The following KIAA1328 variants were observed in gnomAD, a reference collection of about 807,000 sequenced individuals.
The protein encoded by KIAA1328 is KIAA1328.
A neutral mutation model predicts 68.1 loss-of-function variants in KIAA1328; 52 were observed. The ratio of observed to expected loss-of-function variants is 0.76; its 90% confidence interval spans 0.61 to 0.96. The LOEUF is 0.96. Among genes scored for constraint, KIAA1328 ranks in the 40% least tolerant of loss-of-function variants. KIAA1328 has a pLI of 0.00. For missense variants in KIAA1328, 641 were observed against 677.6 expected (o/e 0.95, Z 0.60); for synonymous variants, 232 against 239.4 (o/e 0.97, Z 0.28).
intron 7 of KIAA1328, among the ~76,000 whole-genome samples, chr18:37,114,073 A>T (rs375198944): frequency 6.6e-6 from 1 of 152,108 alleles, no homozygotes; most frequent in Non-Finnish European, 1.5e-5. Context: ...GACTTTAACA[A>T]CCCACTGTCA....
chr18:37,078,236 C>G (rs1474922717), intron 7 of KIAA1328, among the ~76,000 whole-genome samples: 1 of 152,092 alleles, frequency 6.6e-6, no homozygotes, highest in Non-Finnish European at 1.5e-5. Flanking sequence ...GGAAAGGATT[C>G]CCTATTTAAT....
At chr18:37,183,603 ATCC>A (rs2154215974) in intron 9 of KIAA1328, among the ~76,000 whole-genome samples, 1 of 152,288 alleles carries the variant, frequency 6.6e-6, no homozygotes, top group East Asian at 1.9e-4. Context: ...AGTCATCATT[ATCC>A]TCCTCCCAAG....
At chr18:37,057,727 G>A (rs914542246) in intron 6 of KIAA1328, among the ~76,000 whole-genome samples, 5 of 151,924 alleles carry the variant, frequency 3.3e-5, no homozygotes, top group Admixed American at 2.0e-4. Flanking sequence ...GAGCCACCAC[G>A]CCTGGCCTGC....
At chr18:37,174,224 TAAC>T (rs2059553365) in intron 9 of KIAA1328, among the ~76,000 whole-genome samples, 1 of 152,124 alleles carries the variant, frequency 6.6e-6, no homozygotes, top group Non-Finnish European at 1.5e-5. Context: ...ATCACATAGC[TAAC>T]AACAGGCAAA....
rs573938659 is a variant in KIAA1328, at chr18:36,895,925, A to G, written c.448+10253A>G. The G allele has an allele frequency of 1.6e-3, 604 of 368,326 alleles. 2 individuals carry two copies. Among genetic ancestry groups the G allele is most frequent in the South Asian group, 6.1e-3 (288 of 47,270 alleles). The allele number at this position is 368,326 out of a possible 1,614,324, so 22.8% of individuals were successfully genotyped here. A position where few individuals can be genotyped will look rare whatever the true frequency, so the allele number is the denominator to read the frequency against. On this transcript the variant is annotated intron_variant, in intron 5 of 9. Coordinates refer to ENST00000280020, the MANE Select transcript of KIAA1328 (RefSeq NM_020776.3). ...AAGGTAGAAGCCTGAAAGCCAAGAGAGCCCTCACCAGAAACCAAACCCGAT... is the reference window on the plus strand; with the variant it reads ...AAGGTAGAAGCCTGAAAGCCAAGAGGGCCCTCACCAGAAACCAAACCCGAT...
At chr18:36,870,729 C>T (rs1270657840) in intron 4 of KIAA1328, among the ~76,000 whole-genome samples, 1 of 152,328 alleles carries the variant, frequency 6.6e-6, no homozygotes, top group South Asian at 2.1e-4. Context: ...TCACCAATGT[C>T]ATTTCACTAA....
At chr18:37,055,848 G>A (rs900336105) in intron 6 of KIAA1328, among the ~76,000 whole-genome samples, 5 of 152,146 alleles carry the variant, frequency 3.3e-5, no homozygotes, top group African/African-American at 1.2e-4. Flanking sequence ...TTGTTATAGG[G>A]TGCTTATCAG....
At chr18:37,199,460 G>A (rs565596116) in intron 9 of KIAA1328, among the ~76,000 whole-genome samples, 44 of 152,294 alleles carry the variant, frequency 2.9e-4, no homozygotes, top group African/African-American at 9.6e-4. Context: ...GTATTCCATG[G>A]TGTTTATGTA....
intron 9 of KIAA1328, among the ~76,000 whole-genome samples, chr18:37,209,753 GAGAA>G (rs1403189947): frequency 6.7e-6 from 1 of 148,840 alleles, no homozygotes; most frequent in Non-Finnish European, 1.5e-5. Context: ...GTGGGATTCA[GAGAA>G]AAAAAAAAAA....
At chr18:37,162,687 C>T (rs1369335183) in intron 8 of KIAA1328, among the ~76,000 whole-genome samples, 1 of 152,130 alleles carries the variant, frequency 6.6e-6, no homozygotes, top group East Asian at 1.9e-4. Context: ...TTGCTTTACC[C>T]TCTTTAGTGT....
At chr18:36,866,365 A>G (rs1369658645) in intron 4 of KIAA1328, among the ~76,000 whole-genome samples, 1 of 151,666 alleles carries the variant, frequency 6.6e-6, no homozygotes, top group Non-Finnish European at 1.5e-5. Context: ...ACCCCAGGAA[A>G]CTCTTCTGTA....
At chr18:36,908,290 A>G (rs1182067339) in intron 5 of KIAA1328, among the ~76,000 whole-genome samples, 1 of 152,130 alleles carries the variant, frequency 6.6e-6, no homozygotes, top group African/African-American at 2.4e-5. Flanking sequence ...AAAGTAATTT[A>G]TTTTTATTTA....
intron 5 of KIAA1328, among the ~76,000 whole-genome samples, chr18:36,953,196 C>CAT: frequency 6.8e-6 from 1 of 146,694 alleles, no homozygotes; most frequent in South Asian, 2.1e-4. Flanking sequence ...ATTTAATATG[C>CAT]ATATATAATT....
chr18:36,832,836 G>T (rs1202729432), intron 1 of KIAA1328: 1 of 142,216 alleles, frequency 7.0e-6, no homozygotes, highest in East Asian at 2.0e-4. Context: ...TATGTTCAAT[G>T]ATTTTTTTTT....
intron 7 of KIAA1328, among the ~76,000 whole-genome samples, chr18:37,079,684 T>TTGG: frequency 6.6e-6 from 1 of 151,784 alleles, no homozygotes; most frequent in Non-Finnish European, 1.5e-5. Context: ...GATCAGGAGT[T>TTGG]TGAGACCAGC....
intron 6 of KIAA1328, among the ~76,000 whole-genome samples, chr18:37,063,809 A>G (rs1294595581): frequency 1.3e-5 from 2 of 152,206 alleles, no homozygotes. Context: ...ATATGTCAGT[A>G]CCTAAAAATG....
chr18:37,135,475 T>G (rs935628173), intron 7 of KIAA1328, among the ~76,000 whole-genome samples: 1 of 152,288 alleles, frequency 6.6e-6, no homozygotes, highest in East Asian at 1.9e-4. Context: ...TTTTTTCATG[T>G]TTTTTGGCTA....
chr18:36,927,610 G>A (rs1261619083), intron 5 of KIAA1328, among the ~76,000 whole-genome samples: 4 of 151,972 alleles, frequency 2.6e-5, no homozygotes, highest in African/African-American at 9.7e-5. Context: ...AAAATTAACT[G>A]GGCATGGTGG....
chr18:36,988,677 A>T (rs1323171602), intron 6 of KIAA1328, among the ~76,000 whole-genome samples: 1 of 152,216 alleles, frequency 6.6e-6, no homozygotes, highest in Non-Finnish European at 1.5e-5. Flanking sequence ...TCAGAATGCC[A>T]GTTAAGAGCA....
Sources: allele counts gnomAD v4.1 joint callset (sites outside exome capture counted in the v4.1 genomes callset), GRCh38; gene constraint gnomAD v4.1.1; transcripts MANE v1.5; gene names NCBI Gene and HGNC (gene_info 2026-07-23, HGNC 2026-07-21).